Variants in FRMPD4 observed in about 807,000 individuals in gnomAD.
The protein encoded by FRMPD4 is FERM and PDZ domain containing 4.
Under a neutral mutation model 94.1 loss-of-function variants are expected in FRMPD4, and 22 were observed. The ratio of observed to expected loss-of-function variants is 0.23; its 90% CI spans 0.17 to 0.33. The LOEUF (loss-of-function observed/expected upper bound fraction) is 0.33, where lower values mean the gene tolerates loss of function less well. FRMPD4 is among the 10% of genes least tolerant of loss of function. The pLI is 1.00. For synonymous variants in FRMPD4, 631 were observed against 548.6 expected (o/e 1.15, Z -2.10); for missense variants, 1,111 against 1,339.9 (o/e 0.83, Z 2.67).
In FRMPD4 at chrX:12,674,810, T is replaced by C. The variant is rs113642762; in HGVS notation, c.423-53T>C. On this transcript the variant is annotated intron_variant, in intron 4 of 16. Coordinates refer to ENST00000675598, the MANE Select transcript of FRMPD4 (RefSeq NM_001368397.1). ...GTTTTGAAAGAAAACTCTTACTAGT[T>C]AGAGTCCGGGCTCAGTGCATATCAT... is the stretch of plus-strand genomic sequence containing the variant. 2.7e-3 allele frequency: 2,063 copies of C among 751,202 alleles called. 24 individuals carry two copies. In the African/African-American group the frequency reaches 0.034, roughly 12 times the overall value. 61.9% of individuals were successfully genotyped at this position (751,202 alleles called of 1,213,427 possible). A position where few individuals can be genotyped will look rare whatever the true frequency, so the allele number is the denominator to read the frequency against.
At chrX:12,415,671 C>T (rs1444808861) in intron 1 of FRMPD4, among the ~76,000 whole-genome samples, 3 of 111,489 alleles carry the variant, frequency 2.7e-5, no homozygotes, top group Non-Finnish European at 5.7e-5. Context: ...GGGATTATTT[C>T]CTGTGTTGTG....
intron 1 of FRMPD4, among the ~76,000 whole-genome samples, chrX:12,450,918 A>T (rs1161733395): frequency 2.8e-5 from 3 of 106,465 alleles, no homozygotes; most frequent in Non-Finnish European, 5.8e-5. Context: ...CATAAACTAG[A>T]GTACATTAAG....
intron 1 of FRMPD4, among the ~76,000 whole-genome samples, chrX:12,344,830 G>A (rs1388124877): frequency 2.7e-5 from 3 of 111,765 alleles, no homozygotes; most frequent in Admixed American, 1.9e-4. Context: ...GAGATCTCCC[G>A]TGGTCCACCA....
At chrX:12,368,572 A>G (rs540147651) in intron 1 of FRMPD4, among the ~76,000 whole-genome samples, 2 of 110,147 alleles carry the variant, frequency 1.8e-5, no homozygotes, top group African/African-American at 6.6e-5. Context: ...ACATTTAAAC[A>G]TGACCTATTA....
At chrX:11,912,592 A>C (rs780103973) in intron 3 of FRMPD4, among the ~76,000 whole-genome samples, 1 of 111,911 alleles carries the variant, frequency 8.9e-6, no homozygotes, top group East Asian at 2.8e-4. Context: ...CTGTGTGTAC[A>C]TGGTAACAAA....
At chrX:12,283,263 A>C in intron 1 of FRMPD4, among the ~76,000 whole-genome samples, 1 of 113,344 alleles carries the variant, frequency 8.8e-6, no homozygotes. Context: ...CAAAGTAGGC[A>C]TACATGCTTT....
chrX:12,127,385 G>C (rs1261372634), intron 3 of FRMPD4, among the ~76,000 whole-genome samples: 2 of 111,869 alleles, frequency 1.8e-5, no homozygotes, highest in Non-Finnish European at 3.8e-5. Context: ...GGCAGCAGGA[G>C]AGAGAAGTGC....
At chrX:12,395,549 T>C (rs1601895529) in intron 1 of FRMPD4, among the ~76,000 whole-genome samples, 1 of 111,640 alleles carries the variant, frequency 9.0e-6, no homozygotes, top group East Asian at 2.8e-4. Context: ...ATCTATTCTC[T>C]CTTATTTTGA....
intron 2 of FRMPD4, among the ~76,000 whole-genome samples, chrX:12,559,565 G>A (rs150953683): frequency 0.013 from 1,450 of 108,266 alleles, 15 homozygotes; most frequent in Non-Finnish European, 0.021. Context: ...CAGGAGAATC[G>A]CTTGAACCTG....
intron 1 of FRMPD4, among the ~76,000 whole-genome samples, chrX:12,242,675 C>T (rs1182221896): frequency 1.8e-5 from 2 of 112,549 alleles, no homozygotes; most frequent in African/African-American, 3.2e-5. Context: ...TTGGATTGAC[C>T]TGTATGCAAA....
chrX:12,602,254 G>A lies in FRMPD4; in HGVS notation c.159-7467G>A, dbSNP rs185035291. Among the ~76,000 whole-genome samples, 890 of 111,181 alleles carry A rather than the reference G, an allele frequency of 8.0e-3. 2 individuals are homozygous for A. Among genetic ancestry groups the A allele is most frequent in the Non-Finnish European group, 0.013 (672 of 53,037 alleles). Reference sequence around the variant, plus strand: ...TTCCTACTGAAATTCTTGCTCTGAGGAACTCTGGTTTACATAGATGAGCAC... The same window carrying A: ...TTCCTACTGAAATTCTTGCTCTGAGAAACTCTGGTTTACATAGATGAGCAC... On this transcript the variant is annotated intron_variant, in intron 2 of 16. Coordinates refer to ENST00000675598, the MANE Select transcript of FRMPD4 (RefSeq NM_001368397.1).
chrX:12,117,384 C>A (rs2055418391), intron 3 of FRMPD4, among the ~76,000 whole-genome samples: 1 of 110,463 alleles, frequency 9.1e-6, no homozygotes, highest in Non-Finnish European at 1.9e-5. Flanking sequence ...TTAGTTGTGC[C>A]CATTAATCTT....
intron 13 of FRMPD4, 36 bp from the exon 14 acceptor site, chrX:12,710,363 T>C (rs1394820314): frequency 8.7e-7 from 1 of 1,142,985 alleles, no homozygotes; most frequent in African/African-American, 1.8e-5. Flanking sequence ...TTATTAAGAA[T>C]GGATGGCTTT....
chrX:12,284,806 A>G (rs1327788829), intron 1 of FRMPD4, among the ~76,000 whole-genome samples: 1 of 112,003 alleles, frequency 8.9e-6, no homozygotes. Context: ...AACTCAGGGA[A>G]GGACCTCACT....
At chrX:12,447,213 G>A (rs1033532348) in intron 1 of FRMPD4, among the ~76,000 whole-genome samples, 8 of 111,559 alleles carry the variant, frequency 7.2e-5, no homozygotes, top group African/African-American at 1.3e-4. Flanking sequence ...TCTCAACCTC[G>A]GCACTGTTGA....
At chrX:12,355,891 C>T (rs2055888012) in intron 1 of FRMPD4, among the ~76,000 whole-genome samples, 1 of 111,626 alleles carries the variant, frequency 9.0e-6, no homozygotes, top group Non-Finnish European at 1.9e-5. Context: ...TGAGAAGGAA[C>T]GTCAAAGTGA....
chrX:12,597,483 T>C (rs1343504437), intron 2 of FRMPD4, among the ~76,000 whole-genome samples: 1 of 112,297 alleles, frequency 8.9e-6, no homozygotes, highest in Non-Finnish European at 1.9e-5. Context: ...CAAGCCCTAA[T>C]AGATCTTTGA....
In FRMPD4 at chrX:12,234,107, A is replaced by G. The variant is rs965002965; in HGVS notation, c.41+95095A>G. On this transcript the variant is annotated intron_variant, in intron 1 of 16. Coordinates refer to ENST00000675598, the MANE Select transcript of FRMPD4 (RefSeq NM_001368397.1). ...AGATAACCAGCACGAGCAAAAATGG[A>G]CTGGTAAGCTGTGTGGCCAGCCAAG... 2.1e-4 allele frequency among the ~76,000 whole-genome samples: 23 copies of G among 111,327 alleles called. 1 individual carries two copies. The highest frequency in any genetic ancestry group is 1.8e-3 in the Admixed American group (19 of 10,388).
chrX:12,520,964 A>C (rs899380788), intron 2 of FRMPD4, among the ~76,000 whole-genome samples: 1 of 112,185 alleles, frequency 8.9e-6, no homozygotes, highest in Admixed American at 9.4e-5. Flanking sequence ...TAAATATTTT[A>C]GGCTTTGTGG....
Sources: gnomAD v4.1 joint callset for allele counts (sites outside exome capture counted in the v4.1 genomes callset) on GRCh38, gnomAD v4.1.1 for gene constraint, MANE v1.5 for transcripts, NCBI Gene and HGNC (gene_info 2026-07-23, HGNC 2026-07-21) for gene names.